Variants in MTUS1 observed in about 807,000 individuals in gnomAD.
The protein encoded by MTUS1 is microtubule-associated tumor suppressor 1.
In MTUS1, 109 loss-of-function variants were observed where a neutral mutation model predicts 120.8. The ratio of observed to expected loss-of-function variants is 0.90; its 90% CI spans 0.77 to 1.06. The LOEUF is 1.06. MTUS1 is among the 50% of genes least tolerant of loss of function. The pLI, the probability that MTUS1 is intolerant of heterozygous loss-of-function variation, is 0.00. For missense variants in MTUS1, 2,210 were observed against 1,486.3 expected (o/e 1.49, Z -8.01); for synonymous variants, 737 against 550.5 (o/e 1.34, Z -4.74).
intron 1 of MTUS1, among the ~76,000 whole-genome samples, chr8:17,787,315 G>C (rs937651614): frequency 3.8e-4 from 58 of 152,340 alleles, no homozygotes; most frequent in African/African-American, 1.4e-3. Context: ...CCATGTGACA[G>C]ACAGGTCACA....
chr8:17,722,460 T>G (rs1438751766), intron 4 of MTUS1: 9 of 985,292 alleles, frequency 9.1e-6, no homozygotes, highest in African/African-American at 7.0e-5. Context: ...GCAAGCCTGA[T>G]TTTGTGCCAC....
intron 6 of MTUS1, among the ~76,000 whole-genome samples, chr8:17,699,403 T>C (rs780398474): frequency 6.6e-6 from 1 of 152,052 alleles, no homozygotes; most frequent in Non-Finnish European, 1.5e-5. Flanking sequence ...TTAGTAGAGA[T>C]GAGTTTTCAC....
At chr8:17,676,499 G>A (rs1399936495) in intron 7 of MTUS1, 1 of 596,818 alleles carries the variant, frequency 1.7e-6, no homozygotes, top group East Asian at 2.8e-5. Flanking sequence ...GTGTGCCTCG[G>A]ATTCCTCACT....
At chr8:17,757,384 TTTC>T (rs1259647773) in intron 1 of MTUS1, among the ~76,000 whole-genome samples, 1 of 152,204 alleles carries the variant, frequency 6.6e-6, no homozygotes, top group African/African-American at 2.4e-5. Flanking sequence ...TGGGATGACG[TTTC>T]TTTTGCGAGT....
intron 3 of MTUS1, chr8:17,734,143 G>C (rs1248306538): frequency 1.3e-5 from 2 of 152,170 alleles, no homozygotes; most frequent in African/African-American, 4.8e-5. Context: ...TTAATACCAA[G>C]AAGGCAAAAA....
chr8:17,778,262 C>T (rs888138351), intron 1 of MTUS1, among the ~76,000 whole-genome samples: 14 of 151,982 alleles, frequency 9.2e-5, no homozygotes, highest in African/African-American at 2.9e-4. Flanking sequence ...AAGCAAAAGA[C>T]GTCACACACA....
intron 2 of MTUS1, among the ~76,000 whole-genome samples, chr8:17,748,423 G>C (rs549541283): frequency 1.3e-5 from 2 of 152,266 alleles, no homozygotes; most frequent in East Asian, 3.9e-4. Flanking sequence ...ACAAGAGCTT[G>C]GGACCCACCA....
intron 1 of MTUS1, among the ~76,000 whole-genome samples, chr8:17,768,640 T>G (rs1037224844): frequency 2.0e-5 from 3 of 152,162 alleles, no homozygotes; most frequent in Admixed American, 1.3e-4. Context: ...AGAGCCTTTT[T>G]GCAGCAATTA....
intron 7 of MTUS1, among the ~76,000 whole-genome samples, chr8:17,677,953 C>T (rs11203894): frequency 0.51 from 76,988 of 152,056 alleles, 21,565 homozygotes; most frequent in Middle Eastern, 0.67. Context: ...ATGGTCCCTG[C>T]CTTCAAGAAG....
At chr8:17,782,254 A>G (rs1413359827) in intron 1 of MTUS1, among the ~76,000 whole-genome samples, 2 of 152,282 alleles carry the variant, frequency 1.3e-5, no homozygotes, top group East Asian at 1.9e-4. Context: ...ATATTCAAAG[A>G]AAATGTTAGT....
In MTUS1 at chr8:17,753,864, T is replaced by C; in HGVS notation, c.1944A>G (p.Ala648=). The change falls in exon 2 of 15, where the codon GCA becomes GCG. Residue 648 remains alanine, a synonymous_variant. Coordinates refer to ENST00000693296, the MANE Select transcript of MTUS1 (RefSeq NM_001363059.2). ...GAACATAGGTCATTTCCAAACATTC[T>C]GCACTTTCCATTTTAACAGGGAGTA... ...KGILPVKMES[A]ECLEMTYVPN... is the part of the protein sequence containing the mutation. 4 of 1,614,202 alleles carry C rather than the reference T, an allele frequency of 2.5e-6. No homozygotes were observed. The highest frequency in any genetic ancestry group is 2.2e-5 in the South Asian group (2 of 91,084).
chr8:17,680,087 C>G (rs1319777161), intron 7 of MTUS1, among the ~76,000 whole-genome samples: 1 of 151,978 alleles, frequency 6.6e-6, no homozygotes, highest in East Asian at 1.9e-4. Context: ...TAATATAACA[C>G]AGACAATGAA....
At chr8:17,680,631 T>C (rs1468566324) in intron 7 of MTUS1, among the ~76,000 whole-genome samples, 1 of 152,190 alleles carries the variant, frequency 6.6e-6, no homozygotes, top group Non-Finnish European at 1.5e-5. Flanking sequence ...TTGTGGACAA[T>C]GCATCTCTCT....
At chr8:17,750,670 A>G (rs1470961936) in intron 2 of MTUS1, among the ~76,000 whole-genome samples, 1 of 152,142 alleles carries the variant, frequency 6.6e-6, no homozygotes, top group Non-Finnish European at 1.5e-5. Flanking sequence ...GTAAATAACA[A>G]TGTATGGAAA....
At chr8:17,750,957 C>T (rs1164260051) in intron 2 of MTUS1, among the ~76,000 whole-genome samples, 1 of 152,174 alleles carries the variant, frequency 6.6e-6, no homozygotes, top group Non-Finnish European at 1.5e-5. Context: ...TGTGAGGTTG[C>T]AGGCAGTCTA....
At chr8:17,718,847 A>C in intron 4 of MTUS1, among the ~76,000 whole-genome samples, 1 of 151,676 alleles carries the variant, frequency 6.6e-6, no homozygotes, top group East Asian at 2.0e-4. Flanking sequence ...AGGAAAGCCC[A>C]AGCAGAAGAC....
chr8:17,748,778 A>G (rs896332365), intron 2 of MTUS1, among the ~76,000 whole-genome samples: 1 of 152,220 alleles, frequency 6.6e-6, no homozygotes, highest in African/African-American at 2.4e-5. Flanking sequence ...TGGGTTGAGA[A>G]AAACTCCTGC....
intron 3 of MTUS1, among the ~76,000 whole-genome samples, chr8:17,730,366 T>C (rs189195185): frequency 2.0e-5 from 3 of 152,028 alleles, no homozygotes; most frequent in Admixed American, 2.0e-4. Context: ...GCACCTGTAA[T>C]TCCAGCTACT....
At chr8:17,686,976 A>T (rs1363138675) in intron 6 of MTUS1, among the ~76,000 whole-genome samples, 1 of 152,222 alleles carries the variant, frequency 6.6e-6, no homozygotes, top group Non-Finnish European at 1.5e-5. Context: ...CATTTTTTAT[A>T]TAATACTTAG....
Sources: gnomAD v4.1 joint callset for allele counts (sites outside exome capture counted in the v4.1 genomes callset) on GRCh38, gnomAD v4.1.1 for gene constraint, MANE v1.5 for transcripts, NCBI Gene and HGNC (gene_info 2026-07-23, HGNC 2026-07-21) for gene names.